The following KNL1 variants were observed in gnomAD, a reference collection of about 807,000 sequenced individuals.
KNL1 encodes the protein outer kinetochore KNL1 complex subunit KNL1.
A neutral mutation model predicts 201.3 loss-of-function variants in KNL1; 66 were observed. The ratio of observed to expected loss-of-function variants is 0.33; its 90% CI spans 0.27 to 0.40. The LOEUF is 0.40. Among genes scored for constraint, KNL1 ranks in the 10% least tolerant of loss-of-function variants. The pLI is 1.00. For missense variants in KNL1, 2,815 were observed against 2,690.5 expected, an observed-to-expected ratio of 1.05 and a Z score of -1.02; for synonymous variants, 895 against 899.2, an observed-to-expected ratio of 1.00 and a Z score of 0.08.
At chr15:40,608,739 C>G in intron 4 of KNL1, 108 bp from the exon 5 acceptor site, 1 of 708,926 alleles carries the variant, frequency 1.4e-6, no homozygotes, top group East Asian at 2.8e-5. Context: ...GAGCGAAACT[C>G]CATCTCAAAA....
At position 40,633,750 on chromosome 15, in the gene KNL1, A is replaced by G. The variant is rs186530554; in HGVS notation, c.5682+4379A>G. The stretch of plus-strand genomic sequence containing the variant: ...GAGATGGGGTCTCGGTATGTTGACC[A>G]GGCTTGGTCTCAAATTCCTGGCCTC... On this transcript the variant is annotated intron_variant, in intron 13 of 25. Transcript: ENST00000399668. Among the ~76,000 whole-genome samples, 583 of 152,222 alleles carry G rather than the reference A, an allele frequency of 3.8e-3. 10 individuals carry two copies. The highest frequency in any genetic ancestry group is 0.013 in the African/African-American group (551 of 41,536).
intron 1 of KNL1, among the ~76,000 whole-genome samples, chr15:40,602,479 C>CTTTT (rs1566998543): frequency 9.6e-6 from 1 of 104,188 alleles, no homozygotes; most frequent in African/African-American, 3.5e-5. Flanking sequence ...TTTTTTCCTT[C>CTTTT]CTTTTTTTTT....
chr15:40,606,179 C>T (rs1256124261), intron 3 of KNL1, among the ~76,000 whole-genome samples: 4 of 151,968 alleles, frequency 2.6e-5, no homozygotes, highest in African/African-American at 4.8e-5. Context: ...GGGATGAGAG[C>T]GGGTAGAATA....
At chr15:40,631,798 C>G (rs1410853547) in intron 13 of KNL1, among the ~76,000 whole-genome samples, 1 of 152,020 alleles carries the variant, frequency 6.6e-6, no homozygotes, top group African/African-American at 2.4e-5. Context: ...TGCTTGAGCT[C>G]AGGAGTTTGA....
In KNL1 at chr15:40,602,479, C is replaced by CGTT. The variant is rs1566998543; in HGVS notation, c.-17-436_-17-435insGTT. On this transcript the variant is annotated intron_variant, in intron 1 of 25. Transcript: ENST00000399668. ...TCTTCATAATGTAGTTTTTTTCCTT[C>CGTT]CTTTTTTTTTTTTTTTTTTTTTTGG... Among the ~76,000 whole-genome samples, 339 of 104,196 alleles carry CGTT rather than the reference C, an allele frequency of 3.3e-3. 3 individuals carry two copies. The highest frequency in any genetic ancestry group is 0.011 in the African/African-American group (327 of 28,800). The allele number at this position is 104,196 out of a possible 152,430, so 68.4% of individuals were successfully genotyped here.
chr15:40,622,912 A>G lies in KNL1; in HGVS notation c.2648A>G (p.Asn883Ser). The change falls in exon 10 of 26, where the codon AAC (asparagine) becomes AGC (serine). Residue 883 changes from asparagine to serine, a missense_variant. Physicochemically the swap from Asn to Ser is conservative, Grantham distance 46. This residue lies in a region of KNL1 where 2,464 missense variants were observed against 2,291.7 expected (regional missense o/e 1.08). Coordinates refer to ENST00000399668, the MANE Select transcript of KNL1 (RefSeq NM_144508.5). ...DITKSYTIEINHRPLLEKRDC... is the reference protein window; with the variant it reads ...DITKSYTIEISHRPLLEKRDC... Reference sequence around the variant, plus strand: ...ACTAAGAGTTATACAATAGAAATAAACCATAGACCTTTATTAGAGAAACGT... The same window carrying G: ...ACTAAGAGTTATACAATAGAAATAAGCCATAGACCTTTATTAGAGAAACGT... 1 of 1,612,432 alleles carries G rather than the reference A, an allele frequency of 6.2e-7. No individual in the cohort carries two copies.
chr15:40,648,508 G>T (rs78557192), intron 17 of KNL1, among the ~76,000 whole-genome samples: 2,029 of 152,244 alleles, frequency 0.013, 45 homozygotes, highest in African/African-American at 0.046. Flanking sequence ...TCATCTTTAT[G>T]TATAGCAGTC....
At chr15:40,660,259 A>G (rs1050241201) in intron 25 of KNL1, among the ~76,000 whole-genome samples, 5 of 152,204 alleles carry the variant, frequency 3.3e-5, no homozygotes, top group Middle Eastern at 3.4e-3. Flanking sequence ...CCACTGGTCT[A>G]TTCTTTTGTA....
intron 5 of KNL1, 128 bp downstream of exon 5, chr15:40,609,036 C>A: frequency 1.6e-6 from 1 of 619,848 alleles, no homozygotes; most frequent in Non-Finnish European, 2.8e-6. Context: ...AAGGGTTATT[C>A]AGTATTATGT....
chr15:40,638,289 A>G (rs1893120022), intron 13 of KNL1, among the ~76,000 whole-genome samples: 2 of 150,934 alleles, frequency 1.3e-5, no homozygotes, highest in Non-Finnish European at 3.0e-5. Context: ...AGGGAAGGAT[A>G]GGATAACATA....
intron 24 of KNL1, among the ~76,000 whole-genome samples, chr15:40,659,039 A>G (rs1893825578): frequency 1.3e-5 from 2 of 152,128 alleles, no homozygotes; most frequent in Admixed American, 6.5e-5. Context: ...TGTAATCCCA[A>G]CACTTTGGGT....
intron 24 of KNL1, 86 bp downstream of exon 24, chr15:40,657,559 A>C: frequency 1.4e-6 from 1 of 730,442 alleles, no homozygotes; most frequent in Admixed American, 2.0e-5. Flanking sequence ...GAGGTCTGAG[A>C]TTAAGGTGTA....
intron 1 of KNL1, among the ~76,000 whole-genome samples, chr15:40,602,327 G>A (rs1172192560): frequency 7.1e-6 from 1 of 141,366 alleles, no homozygotes; most frequent in Non-Finnish European, 1.5e-5. Context: ...CAGTAGAGAC[G>A]GGGTTTCACC....
Position 40,624,602 on chromosome 15 carries a change from A to G in KNL1, c.4338A>G (p.Ser1446=), listed in dbSNP as rs780296712. ...DIYVIPQPHF[S]TDQPPLPKKG... is the part of the protein sequence containing the mutation. ...ATGTTATTCCTCAGCCTCATTTCTC[A>G]ACCGACCAACCTCCATTACCTAAAA... Residue 1446 remains serine, a synonymous_variant, in exon 10 of 26, where the codon TCA becomes TCG. Transcript: ENST00000399668. The G allele has an allele frequency of 1.4e-5, 23 of 1,613,910 alleles. No homozygotes were observed. Among genetic ancestry groups the G allele is most frequent in the Non-Finnish European group, 1.9e-5 (22 of 1,179,928 alleles).
At chr15:40,650,193 T>C in intron 17 of KNL1, 108 bp from the exon 18 acceptor site, 2 of 705,054 alleles carry the variant, frequency 2.8e-6, no homozygotes, top group Non-Finnish European at 4.7e-6. Flanking sequence ...AGAAACAATC[T>C]GTCGTTTAAT....
rs774170941 is a variant in KNL1 at position 40,623,856 on chromosome 15, G to T, written c.3592G>T (p.Gly1198Cys). The change falls in exon 10 of 26, where the codon GGT becomes TGT. Residue 1198 changes from glycine (G) to cysteine (C), a missense_variant. Physicochemically the swap from Gly to Cys is radical, Grantham distance 159. Coordinates refer to ENST00000399668, the MANE Select transcript of KNL1 (RefSeq NM_144508.5). ...TGGAATAGGAAAAGGAAAAAACTTGGGTGTTTCCTTTCCTAAGGATAATAG... is the reference window on the plus strand; with the variant it reads ...TGGAATAGGAAAAGGAAAAAACTTGTGTGTTTCCTTTCCTAAGGATAATAG... ...KFGIGKGKNL[G>C]VSFPKDNSCV... 6 of 1,613,632 alleles carry T rather than the reference G, an allele frequency of 3.7e-6. No individual in the cohort carries two copies. Among genetic ancestry groups the T allele is most frequent in the Non-Finnish European group, 5.1e-6 (6 of 1,179,876 alleles).
At position 40,606,391 on chromosome 15, in the gene KNL1, A is replaced by G; in HGVS notation, c.76-2A>G. The G allele has an allele frequency of 6.5e-7, 1 of 1,545,170 alleles. No homozygotes were observed. The highest frequency in any genetic ancestry group is 1.1e-5 in the South Asian group (1 of 89,248). On this transcript the variant is annotated splice_acceptor_variant, in intron 3 of 25. Coordinates refer to ENST00000399668, the MANE Select transcript of KNL1 (RefSeq NM_144508.5). LOFTEE classifies it high-confidence loss of function. ...TTTGAATAATTCTAATTGTTACCCT[A>G]GATATTGAAACCCCCAAGGAGTCCT...
At chr15:40,615,263 G>A (rs1350498535) in intron 7 of KNL1, 78 bp from the exon 8 acceptor site, 4 of 452,936 alleles carry the variant, frequency 8.8e-6, no homozygotes, top group South Asian at 2.1e-5. Context: ...TTCACCTTCT[G>A]TACTCTTTCA....
Position 40,651,583 on chromosome 15 carries a change from G to A in KNL1, c.6314+11G>A, listed in dbSNP as rs745708260. The A allele has an allele frequency of 6.4e-7, 1 of 1,551,272 alleles. No homozygotes were observed. The highest frequency in any genetic ancestry group is 1.9e-5 in the Admixed American group (1 of 53,182). ...ACTGGATCAGTTGAGGTAAGGAAAT[G>A]CAGGCATCATTTGTTTGTGTTTTAT... On this transcript the variant is annotated intron_variant, in intron 20 of 25. Coordinates refer to ENST00000399668, the MANE Select transcript of KNL1 (RefSeq NM_144508.5).
Sources: gnomAD v4.1 joint callset for allele counts (sites outside exome capture counted in the v4.1 genomes callset) on GRCh38, gnomAD v4.1.1 for gene constraint, gnomAD v4.1.1 regional missense constraint, MANE v1.5 for transcripts, NCBI Gene and HGNC (gene_info 2026-07-23, HGNC 2026-07-21) for gene names.